The following DCLK1 variants were observed in gnomAD, a reference collection of about 807,000 sequenced individuals.
DCLK1 encodes doublecortin like kinase 1, also known as serine/threonine-protein kinase DCLK1.
Under a neutral mutation model 86.2 loss-of-function variants are expected in DCLK1, and 16 were observed. The ratio of observed to expected loss-of-function variants is 0.19; its 90% confidence interval spans 0.13 to 0.28. The LOEUF (loss-of-function observed/expected upper bound fraction) is 0.28. DCLK1 is among the 10% of genes least tolerant of loss of function. The pLI is 1.00. For synonymous variants in DCLK1, 369 were observed against 370.5 expected, an observed-to-expected ratio of 1.00 and a Z score of 0.05; for missense variants, 590 against 940.2, an observed-to-expected ratio of 0.63 and a Z score of 4.87.
chr13:35,916,387 C>T (rs1246086125), intron 4 of DCLK1, among the ~76,000 whole-genome samples: 1 of 152,284 alleles, frequency 6.6e-6, no homozygotes, highest in East Asian at 1.9e-4. Flanking sequence ...CCCTCTGACC[C>T]TCTAGGCAGC....
At chr13:35,914,257 T>C (rs1875229457) in intron 4 of DCLK1, among the ~76,000 whole-genome samples, 1 of 149,362 alleles carries the variant, frequency 6.7e-6, no homozygotes, top group African/African-American at 2.5e-5. Context: ...AGGTCGAGGC[T>C]GCAGTGAGCT....
chr13:36,097,756 A>T (rs1472925174), intron 3 of DCLK1, among the ~76,000 whole-genome samples: 1 of 152,186 alleles, frequency 6.6e-6, no homozygotes, highest in Non-Finnish European at 1.5e-5. Context: ...AAGACTGACA[A>T]ATCACAGGAA....
In DCLK1 at chr13:35,772,226, C is replaced by T. The variant is rs1408475284; in HGVS notation, c.*2309G>A. The T allele has an allele frequency of 6.6e-6, 1 of 152,266 alleles. No homozygotes were observed. Among genetic ancestry groups the T allele is most frequent in the Non-Finnish European group, 1.5e-5 (1 of 68,126 alleles). The allele number at this position is 152,266 out of a possible 1,614,324, so 9.4% of individuals were successfully genotyped here. A position where few individuals can be genotyped will look rare whatever the true frequency, so the allele number is the denominator to read the frequency against. Reference sequence around the variant, plus strand: ...CTTCTGCAGTGTGCTGAGAAACACCCCCTAGCTTCACACGGTCCAGAGTCC... The same window carrying T: ...CTTCTGCAGTGTGCTGAGAAACACCTCCTAGCTTCACACGGTCCAGAGTCC... On this transcript the variant is annotated 3_prime_UTR_variant, in exon 17 of 17. Transcript: ENST00000360631.
chr13:35,916,522 C>A (rs1875422798), intron 4 of DCLK1, among the ~76,000 whole-genome samples: 2 of 152,160 alleles, frequency 1.3e-5, no homozygotes, highest in Admixed American at 1.3e-4. Flanking sequence ...AGAGGCGCAA[C>A]ACATTTTAAA....
intron 5 of DCLK1, among the ~76,000 whole-genome samples, chr13:35,867,077 A>G (rs1174830677): frequency 6.6e-6 from 1 of 152,166 alleles, no homozygotes; most frequent in Non-Finnish European, 1.5e-5. Context: ...TCACTGGCAC[A>G]ATCCACACAT....
chr13:36,017,981 T>G (rs1258792001), intron 3 of DCLK1, among the ~76,000 whole-genome samples: 1 of 152,194 alleles, frequency 6.6e-6, no homozygotes, highest in African/African-American at 2.4e-5. Flanking sequence ...TGATGGCAAT[T>G]TTTAACTCTA....
intron 14 of DCLK1, among the ~76,000 whole-genome samples, chr13:35,807,210 T>G (rs1448344338): frequency 6.6e-6 from 1 of 152,212 alleles, no homozygotes; most frequent in East Asian, 1.9e-4. Context: ...TGATTTATCA[T>G]AAATATTATT....
intron 3 of DCLK1, among the ~76,000 whole-genome samples, chr13:36,072,081 A>C (rs1419348367): frequency 1.3e-5 from 2 of 152,164 alleles, no homozygotes; most frequent in Non-Finnish European, 2.9e-5. Flanking sequence ...TCTTCCTGAA[A>C]GACTTGTCTA....
At chr13:36,038,765 A>G (rs1259860709) in intron 3 of DCLK1, among the ~76,000 whole-genome samples, 1 of 152,190 alleles carries the variant, frequency 6.6e-6, no homozygotes, top group East Asian at 1.9e-4. Context: ...TACTACAACA[A>G]TTAGTGTTCA....
At chr13:35,966,058 A>G (rs1201248771) in intron 3 of DCLK1, among the ~76,000 whole-genome samples, 1 of 152,218 alleles carries the variant, frequency 6.6e-6, no homozygotes. Flanking sequence ...TGAAAATACA[A>G]TTCATTTGAA....
At chr13:35,785,243 A>G (rs1418689389) in intron 16 of DCLK1, among the ~76,000 whole-genome samples, 3 of 152,206 alleles carry the variant, frequency 2.0e-5, no homozygotes, top group Non-Finnish European at 4.4e-5. Context: ...AGGGCATAGC[A>G]CTTGCCATGG....
intron 3 of DCLK1, among the ~76,000 whole-genome samples, chr13:35,980,811 C>T (rs1423937978): frequency 6.6e-6 from 1 of 151,944 alleles, no homozygotes; most frequent in Non-Finnish European, 1.5e-5. Context: ...CCCAGTACTT[C>T]TTCTTTTTTT....
intron 3 of DCLK1, among the ~76,000 whole-genome samples, chr13:36,003,502 A>G (rs1439462740): frequency 6.6e-6 from 1 of 152,238 alleles, no homozygotes; most frequent in Non-Finnish European, 1.5e-5. Context: ...TCATAAGGAT[A>G]TATTTGAAGA....
At chr13:35,935,403 G>A (rs933183665) in intron 4 of DCLK1, among the ~76,000 whole-genome samples, 7 of 152,154 alleles carry the variant, frequency 4.6e-5, no homozygotes, top group African/African-American at 1.4e-4. Context: ...CTAAATGGGA[G>A]ATGATGAGGA....
rs1486863901 is a variant in DCLK1, at chr13:35,768,904, G to A, written c.*5631C>T. Reference sequence around the variant, plus strand: ...GAACTGAATGTGTCAATTGTGAATTGAACTAAGGTGAAATTTTACTCCAAT... The same window carrying A: ...GAACTGAATGTGTCAATTGTGAATTAAACTAAGGTGAAATTTTACTCCAAT... On this transcript the variant is annotated 3_prime_UTR_variant, in exon 17 of 17. Coordinates refer to ENST00000360631, the MANE Select transcript of DCLK1 (RefSeq NM_001330071.2). The A allele has an allele frequency of 6.6e-6, 1 of 152,172 alleles. No individual in the cohort carries two copies. The highest frequency in any genetic ancestry group is 1.5e-5 in the Non-Finnish European group (1 of 68,034). The allele number at this position is 152,172 out of a possible 1,614,324, so 9.4% of individuals were successfully genotyped here.
chr13:35,861,538 T>A (rs1871381704), intron 5 of DCLK1, among the ~76,000 whole-genome samples: 1 of 152,162 alleles, frequency 6.6e-6, no homozygotes, highest in Admixed American at 6.5e-5. Flanking sequence ...TGCCATCTGG[T>A]ATTGCCCATT....
At chr13:35,907,591 T>C (rs1874757125) in intron 4 of DCLK1, among the ~76,000 whole-genome samples, 1 of 152,178 alleles carries the variant, frequency 6.6e-6, no homozygotes, top group South Asian at 2.1e-4. Context: ...TTTAGAGATT[T>C]GTTTCTATGT....
At chr13:35,833,179 G>A (rs1869096743) in intron 8 of DCLK1, among the ~76,000 whole-genome samples, 1 of 152,176 alleles carries the variant, frequency 6.6e-6, no homozygotes, top group African/African-American at 2.4e-5. Context: ...TTCATCTCTG[G>A]TGCCTATATC....
chr13:35,993,145 T>C (rs1333709531), intron 3 of DCLK1, among the ~76,000 whole-genome samples: 1 of 152,202 alleles, frequency 6.6e-6, no homozygotes, highest in Non-Finnish European at 1.5e-5. Context: ...GCTTCTGTGA[T>C]ACAGTTGCTC....
Sources: gnomAD v4.1 joint callset for allele counts (sites outside exome capture counted in the v4.1 genomes callset) on GRCh38, gnomAD v4.1.1 for gene constraint, MANE v1.5 for transcripts, NCBI Gene and HGNC (gene_info 2026-07-23, HGNC 2026-07-21) for gene names.